CNTN5: variants seen among roughly 807,000 people sequenced by gnomAD.
CNTN5 encodes contactin-5.
A neutral mutation model predicts 129.1 loss-of-function variants in CNTN5; 77 were observed. The ratio of observed to expected loss-of-function variants is 0.60; its 90% CI spans 0.50 to 0.72. The LOEUF (loss-of-function observed/expected upper bound fraction) is 0.72, where lower values mean the gene tolerates loss of function less well. Among genes scored for constraint, CNTN5 ranks in the 30% least tolerant of loss-of-function variants. The pLI, the probability that CNTN5 is intolerant of heterozygous loss-of-function variation, is 0.00. For missense variants in CNTN5, 1,478 were observed against 1,328.8 expected (o/e 1.11, Z -1.75); for synonymous variants, 509 against 465.6 (o/e 1.09, Z -1.20).
At chr11:100,210,248 A>AGAC (rs1295327174) in intron 15 of CNTN5, among the ~76,000 whole-genome samples, 1 of 149,704 alleles carries the variant, frequency 6.7e-6, no homozygotes, top group African/African-American at 2.4e-5. Flanking sequence ...GCTACAAGGG[A>AGAC]GACAGGTGGG....
chr11:99,762,459 G>A (rs1944614404), intron 3 of CNTN5, among the ~76,000 whole-genome samples: 1 of 151,814 alleles, frequency 6.6e-6, no homozygotes, highest in South Asian at 2.1e-4. Context: ...GTAAGGAAGG[G>A]ATCCAGTTTC....
At chr11:99,367,606 T>A (rs1404970509) in intron 2 of CNTN5, among the ~76,000 whole-genome samples, 1 of 152,162 alleles carries the variant, frequency 6.6e-6, no homozygotes, top group African/African-American at 2.4e-5. Flanking sequence ...CTCATTGTTA[T>A]CTGAGTAACA....
intron 3 of CNTN5, among the ~76,000 whole-genome samples, chr11:99,596,205 A>G (rs1039967141): frequency 3.3e-5 from 5 of 152,082 alleles, no homozygotes; most frequent in Admixed American, 6.6e-5. Context: ...AATTACAGAG[A>G]TCATTTACTT....
At chr11:100,203,498 C>T (rs1186426058) in intron 15 of CNTN5, among the ~76,000 whole-genome samples, 4 of 152,090 alleles carry the variant, frequency 2.6e-5, no homozygotes, top group African/African-American at 9.6e-5. Context: ...GCATTTACAG[C>T]ATTGTTTTAT....
At chr11:100,342,152 GACACAC>G (rs3220443) in intron 23 of CNTN5, among the ~76,000 whole-genome samples, 18,524 of 146,958 alleles carry the variant, frequency 0.13, 1,321 homozygotes, top group African/African-American at 0.2. Flanking sequence ...ATAGATCACA[GACACAC>G]ACACACACAC....
chr11:100,243,569 C>T (rs1949784069), intron 16 of CNTN5, among the ~76,000 whole-genome samples: 1 of 152,166 alleles, frequency 6.6e-6, no homozygotes, highest in African/African-American at 2.4e-5. Flanking sequence ...TCACCAGCTA[C>T]ACCTAATTAA....
intron 2 of CNTN5, among the ~76,000 whole-genome samples, chr11:99,529,255 G>C (rs1041459051): frequency 6.6e-6 from 1 of 152,074 alleles, no homozygotes; most frequent in Non-Finnish European, 1.5e-5. Flanking sequence ...AGTCTCCTCT[G>C]GAAACACCCA....
chr11:99,489,838 G>A (rs73546147), intron 2 of CNTN5, among the ~76,000 whole-genome samples: 1 of 152,258 alleles, frequency 6.6e-6, no homozygotes, highest in African/African-American at 2.4e-5. Flanking sequence ...GAGAGTGAAA[G>A]TGAGAGGGAA....
chr11:99,910,730 G>T (rs1025440335), intron 6 of CNTN5, among the ~76,000 whole-genome samples: 1 of 152,072 alleles, frequency 6.6e-6, no homozygotes, highest in African/African-American at 2.4e-5. Context: ...AGGTATGTTA[G>T]TAGCTAGTGT....
At chr11:100,034,984 A>T (rs1941905277) in intron 9 of CNTN5, among the ~76,000 whole-genome samples, 2 of 151,940 alleles carry the variant, frequency 1.3e-5, no homozygotes, top group Admixed American at 1.3e-4. Flanking sequence ...AAATTTTATT[A>T]TTATACTTTA....
Position 99,655,627 on chromosome 11 carries a change from G to A in CNTN5, c.55+99358G>A, listed in dbSNP as rs567450031. Among the ~76,000 whole-genome samples the A allele has an allele frequency of 2.0e-5, 3 of 152,214 alleles. No individual in the cohort carries two copies. In the East Asian group the frequency reaches 5.8e-4, roughly 29 times the overall value. On this transcript the variant is annotated intron_variant, in intron 3 of 24. Transcript: ENST00000524871. ...TCTTGGGGACTGTGGGATTAATTTGGCTTTGAACACGGAATACTGAAAATA... is the reference window on the plus strand; with the variant it reads ...TCTTGGGGACTGTGGGATTAATTTGACTTTGAACACGGAATACTGAAAATA...
At chr11:100,179,398 C>T (rs1276045044) in intron 13 of CNTN5, among the ~76,000 whole-genome samples, 1 of 152,060 alleles carries the variant, frequency 6.6e-6, no homozygotes, top group Non-Finnish European at 1.5e-5. Flanking sequence ...AAATGTGAAA[C>T]TTCTCTACTC....
At chr11:99,165,645 G>A (rs1289140340) in intron 1 of CNTN5, among the ~76,000 whole-genome samples, 1 of 152,194 alleles carries the variant, frequency 6.6e-6, no homozygotes, top group East Asian at 1.9e-4. Context: ...AGATTTGAGA[G>A]ATGCTTGACT....
At chr11:99,048,365 A>AACAAAAC in intron 1 of CNTN5, among the ~76,000 whole-genome samples, 2 of 152,282 alleles carry the variant, frequency 1.3e-5, no homozygotes, top group South Asian at 4.1e-4. Flanking sequence ...AATCACTGCA[A>AACAAAAC]ACAAAACAAA....
In CNTN5 at chr11:99,785,042, G is replaced by A. The variant is rs565675802; in HGVS notation, c.56-34502G>A. ...TCTCTATCTCCTGACCTCGTGATCC[G>A]CCTGCCTCCGCCTGCCTCCACCTGC... On this transcript the variant is annotated intron_variant, in intron 3 of 24. Coordinates refer to ENST00000524871, the MANE Select transcript of CNTN5 (RefSeq NM_014361.4). Among the ~76,000 whole-genome samples, 55 of 147,030 alleles carry A rather than the reference G, an allele frequency of 3.7e-4. No homozygotes were observed. In the South Asian group the frequency reaches 9.0e-3, roughly 24 times the overall value.
intron 2 of CNTN5, among the ~76,000 whole-genome samples, chr11:99,508,587 T>A (rs1360803978): frequency 6.6e-6 from 1 of 152,178 alleles, no homozygotes; most frequent in Non-Finnish European, 1.5e-5. Flanking sequence ...CAAACTGCAA[T>A]TAGCTGTATA....
chr11:100,153,296 T>C (rs1320163134), intron 13 of CNTN5, among the ~76,000 whole-genome samples: 1 of 152,154 alleles, frequency 6.6e-6, no homozygotes, highest in East Asian at 1.9e-4. Flanking sequence ...TCGCAGAATG[T>C]TGAATTTTTT....
chr11:99,845,527 T>C (rs904424175), intron 6 of CNTN5, among the ~76,000 whole-genome samples: 2 of 151,354 alleles, frequency 1.3e-5, no homozygotes, highest in Non-Finnish European at 3.0e-5. Flanking sequence ...CGCCCGCCAC[T>C]ACGCCCGGCT....
chr11:99,752,339 G>C (rs1278358474), intron 3 of CNTN5, among the ~76,000 whole-genome samples: 2 of 152,140 alleles, frequency 1.3e-5, no homozygotes, highest in African/African-American at 4.8e-5. Context: ...CTATCCTCTA[G>C]AGGAGATTTA....
Sources: allele counts gnomAD v4.1 joint callset (sites outside exome capture counted in the v4.1 genomes callset), GRCh38; gene constraint gnomAD v4.1.1; transcripts MANE v1.5; gene names NCBI Gene and HGNC (gene_info 2026-07-23, HGNC 2026-07-21).